Variants in EIF2B3 observed in about 807,000 individuals in gnomAD.
The protein encoded by EIF2B3 is translation initiation factor eIF2B subunit gamma.
A neutral mutation model predicts 54.1 loss-of-function variants in EIF2B3; 20 were observed. The observed-to-expected ratio is 0.37, with a 90% CI of 0.26 to 0.54. The LOEUF (loss-of-function observed/expected upper bound fraction) is 0.54. EIF2B3 is among the 20% of genes least tolerant of loss of function. The pLI, the probability that EIF2B3 is intolerant of heterozygous loss-of-function variation, is 0.86. For synonymous variants in EIF2B3, 153 were observed against 188.1 expected, an observed-to-expected ratio of 0.81 and a Z score of 1.52; for missense variants, 448 against 547.8, an observed-to-expected ratio of 0.82 and a Z score of 1.82.
chr1:44,952,152 A>G (rs1644170847), intron 3 of EIF2B3, among the ~76,000 whole-genome samples: 1 of 137,110 alleles, frequency 7.3e-6, no homozygotes, highest in African/African-American at 2.8e-5. Flanking sequence ...TTTAGTAGAG[A>G]CGGGGTTTCA....
chr1:44,856,552 A>T (rs1304458095), intron 11 of EIF2B3, among the ~76,000 whole-genome samples: 1 of 150,978 alleles, frequency 6.6e-6, no homozygotes, highest in Non-Finnish European at 1.5e-5. Context: ...AAAAAAAGGA[A>T]AATCTGAGGG....
chr1:44,880,712 C>T (rs1423554070), intron 7 of EIF2B3, among the ~76,000 whole-genome samples: 1 of 152,158 alleles, frequency 6.6e-6, no homozygotes, highest in Non-Finnish European at 1.5e-5. Context: ...CCTGTAATCC[C>T]AGCACTTTGG....
chr1:44,868,597 G>A (rs771827497), intron 10 of EIF2B3, among the ~76,000 whole-genome samples: 7 of 151,564 alleles, frequency 4.6e-5, no homozygotes, highest in African/African-American at 7.3e-5. Flanking sequence ...CAAAGTGCTG[G>A]GATTACAGGT....
intron 6 of EIF2B3, among the ~76,000 whole-genome samples, chr1:44,893,189 G>T (rs1655858069): frequency 6.6e-6 from 1 of 152,136 alleles, no homozygotes; most frequent in Non-Finnish European, 1.5e-5. Context: ...TCAGCCTCCT[G>T]AGTAGGTGAG....
At chr1:44,914,392 C>A (rs1422636101) in intron 5 of EIF2B3, among the ~76,000 whole-genome samples, 1 of 152,032 alleles carries the variant, frequency 6.6e-6, no homozygotes, top group Non-Finnish European at 1.5e-5. Context: ...AATTCCTTAC[C>A]TCAGGTGATC....
chr1:44,906,193 C>G (rs1347064569), intron 5 of EIF2B3, among the ~76,000 whole-genome samples: 4 of 152,188 alleles, frequency 2.6e-5, no homozygotes, highest in Non-Finnish European at 5.9e-5. Context: ...TCATGCCCAT[C>G]ATGAGGTAGA....
intron 5 of EIF2B3, among the ~76,000 whole-genome samples, chr1:44,897,671 G>A (rs181134744): frequency 9.9e-5 from 15 of 151,576 alleles, no homozygotes; most frequent in Middle Eastern, 3.5e-3. Context: ...AGGCTTTTAC[G>A]ATTCTAAAGA....
At chr1:44,939,355 C>T (rs116597184) in intron 4 of EIF2B3, among the ~76,000 whole-genome samples, 1,620 of 152,192 alleles carry the variant, frequency 0.011, 33 homozygotes, top group African/African-American at 0.037. Flanking sequence ...AAGGATCCAG[C>T]TTAAAGGACT....
chr1:44,968,010 C>A (rs560003721), intron 3 of EIF2B3, among the ~76,000 whole-genome samples: 1 of 151,498 alleles, frequency 6.6e-6, no homozygotes. Flanking sequence ...TGCACTCCAG[C>A]CTGGGCGACA....
chr1:44,891,032 C>T (rs1655780838), intron 6 of EIF2B3, among the ~76,000 whole-genome samples: 1 of 152,142 alleles, frequency 6.6e-6, no homozygotes, highest in African/African-American at 2.4e-5. Context: ...TGGTCTCTCT[C>T]CCTCTAGTTT....
At chr1:44,884,546 T>C (rs144089253) in intron 6 of EIF2B3, among the ~76,000 whole-genome samples, 128 of 152,348 alleles carry the variant, frequency 8.4e-4, no homozygotes, top group African/African-American at 3.0e-3. Flanking sequence ...AGCTGTGAGC[T>C]CTTGTATTGA....
chr1:44,975,225 A>AC (rs1644440764), intron 3 of EIF2B3, among the ~76,000 whole-genome samples: 1 of 152,142 alleles, frequency 6.6e-6, no homozygotes, highest in Non-Finnish European at 1.5e-5. Context: ...AGAAAAAAAA[A>AC]ATCATCACTG....
At chr1:44,941,946 C>A (rs1249482394) in intron 3 of EIF2B3, among the ~76,000 whole-genome samples, 5 of 152,134 alleles carry the variant, frequency 3.3e-5, no homozygotes, top group Non-Finnish European at 5.9e-5. Flanking sequence ...CTGAAAACCA[C>A]CACATTGTCT....
intron 4 of EIF2B3, among the ~76,000 whole-genome samples, chr1:44,934,147 C>T (rs1569771647): frequency 6.6e-6 from 1 of 151,964 alleles, no homozygotes; most frequent in Non-Finnish European, 1.5e-5. Context: ...CCTGTAATCC[C>T]GGCACTTTGG....
intron 5 of EIF2B3, among the ~76,000 whole-genome samples, chr1:44,902,639 T>C (rs1643330186): frequency 6.6e-6 from 1 of 151,434 alleles, no homozygotes; most frequent in South Asian, 2.1e-4. Context: ...CTGGGCAATA[T>C]AAGGAGACCT....
intron 3 of EIF2B3, among the ~76,000 whole-genome samples, chr1:44,951,090 G>A (rs1644155666): frequency 6.6e-6 from 1 of 152,116 alleles, no homozygotes; most frequent in Non-Finnish European, 1.5e-5. Flanking sequence ...GAGACTCCAT[G>A]ACCTCATCAC....
intron 3 of EIF2B3, among the ~76,000 whole-genome samples, chr1:44,965,918 G>GTGTGAGCCA (rs1238308402): frequency 6.6e-6 from 1 of 151,968 alleles, no homozygotes; most frequent in Non-Finnish European, 1.5e-5. Flanking sequence ...GGGATTACAG[G>GTGTGAGCCA]TGTGAGCCAC....
chr1:44,852,746 T>C (rs753192880), intron 11 of EIF2B3, among the ~76,000 whole-genome samples: 381 of 139,360 alleles, frequency 2.7e-3, no homozygotes, highest in Non-Finnish European at 4.0e-3. Flanking sequence ...AGCATTACAC[T>C]CCAGCCTGGG....
In EIF2B3 at chr1:44,877,212, A is replaced by AAAAC. The variant is rs1170323973; in HGVS notation, c.976-1518_976-1517insGTTT. ...ATCAATAAAAAAAAAAAAAAAAAAA[A>AAAAC]AAAAAAAAAACACCTTAGGTAGAAC... On this transcript the variant is annotated intron_variant, in intron 8 of 11. Coordinates refer to ENST00000360403, the MANE Select transcript of EIF2B3 (RefSeq NM_020365.5). Among the ~76,000 whole-genome samples the AAAAC allele has an allele frequency of 7.5e-3, 1,117 of 148,134 alleles. 16 individuals carry two copies. The highest frequency in any genetic ancestry group is 0.014 in the Non-Finnish European group (901 of 66,508).
Sources: gnomAD v4.1 joint callset for allele counts (sites outside exome capture counted in the v4.1 genomes callset) on GRCh38, gnomAD v4.1.1 for gene constraint, MANE v1.5 for transcripts, NCBI Gene and HGNC (gene_info 2026-07-23, HGNC 2026-07-21) for gene names.